The following CFAP20DC variants were observed in gnomAD, a reference collection of about 807,000 sequenced individuals.
CFAP20DC encodes CFAP20 domain containing.
Under a neutral mutation model 101.7 loss-of-function variants are expected in CFAP20DC, and 84 were observed. The ratio of observed to expected loss-of-function variants is 0.83; its 90% CI spans 0.69 to 0.99. CFAP20DC has a LOEUF of 0.99. Ranked by LOEUF, CFAP20DC falls within the 50% of genes least tolerant of loss-of-function variation. The pLI, the probability that CFAP20DC is intolerant of heterozygous loss-of-function variation, is 0.00. For synonymous variants in CFAP20DC, 359 were observed against 351.2 expected, an observed-to-expected ratio of 1.02 and a Z score of -0.25; for missense variants, 1,007 against 970.3, an observed-to-expected ratio of 1.04 and a Z score of -0.50.
chr3:58,751,467 G>A (rs1185956866), intron 16 of CFAP20DC, among the ~76,000 whole-genome samples: 1 of 152,142 alleles, frequency 6.6e-6, no homozygotes, highest in Non-Finnish European at 1.5e-5. Context: ...CTGGTCAACT[G>A]CGGCTCCCTG....
chr3:58,810,996 AG>A (rs1216300132), intron 14 of CFAP20DC, among the ~76,000 whole-genome samples: 4 of 152,172 alleles, frequency 2.6e-5, no homozygotes, highest in African/African-American at 9.7e-5. Context: ...CCAACTTACA[AG>A]GGATGTGAAG....
chr3:58,816,655 G>A lies in CFAP20DC; in HGVS notation c.2176-10199C>T, dbSNP rs919991200. Among the ~76,000 whole-genome samples the A allele has an allele frequency of 6.8e-4, 104 of 152,254 alleles. No individual in the cohort carries two copies. The Middle Eastern group carries it at 0.01, about 15-fold the overall frequency. The stretch of plus-strand genomic sequence containing the variant: ...GAGGGTCCTACGCCCACGGAATCTT[G>A]CTGATTGCTAGCACAGCAGTCTGAG... On this transcript the variant is annotated intron_variant, in intron 14 of 16. Transcript: ENST00000482387.
intron 12 of CFAP20DC, among the ~76,000 whole-genome samples, chr3:58,857,676 G>A (rs967368007): frequency 6.6e-6 from 1 of 152,158 alleles, no homozygotes; most frequent in Non-Finnish European, 1.5e-5. Flanking sequence ...TTCTGAAAGA[G>A]AAACTGGGAT....
chr3:58,928,480 C>T (rs2086225394), intron 5 of CFAP20DC, among the ~76,000 whole-genome samples: 1 of 152,152 alleles, frequency 6.6e-6, no homozygotes. Context: ...GGTGTGTATA[C>T]TTCAGGTAAC....
At chr3:59,037,539 A>G (rs1576801356) in intron 4 of CFAP20DC, among the ~76,000 whole-genome samples, 1 of 152,230 alleles carries the variant, frequency 6.6e-6, no homozygotes, top group Non-Finnish European at 1.5e-5. Context: ...AAAGCTCATC[A>G]TCACTGGTCT....
At chr3:58,865,735 CAG>C (rs1442315832) in intron 11 of CFAP20DC, among the ~76,000 whole-genome samples, 2 of 152,150 alleles carry the variant, frequency 1.3e-5, no homozygotes, top group African/African-American at 2.4e-5. Flanking sequence ...GTGAAGAAAA[CAG>C]AGGAAAATAT....
intron 15 of CFAP20DC, among the ~76,000 whole-genome samples, chr3:58,794,900 T>G (rs1443232192): frequency 6.6e-6 from 1 of 152,206 alleles, no homozygotes; most frequent in African/African-American, 2.4e-5. Flanking sequence ...AATCATTTTA[T>G]GCTGTAGGGG....
intron 16 of CFAP20DC, among the ~76,000 whole-genome samples, chr3:58,746,550 C>T (rs2068218799): frequency 6.6e-6 from 1 of 152,126 alleles, no homozygotes; most frequent in Non-Finnish European, 1.5e-5. Context: ...GCAAAGGGAT[C>T]GAGGTAGATC....
At chr3:58,842,899 G>T (rs1052062076) in intron 13 of CFAP20DC, among the ~76,000 whole-genome samples, 1 of 152,156 alleles carries the variant, frequency 6.6e-6, no homozygotes, top group Non-Finnish European at 1.5e-5. Context: ...CCCAGCAGGG[G>T]CACACTGACA....
chr3:59,010,342 CT>C (rs1401057805), intron 4 of CFAP20DC, among the ~76,000 whole-genome samples: 7 of 152,106 alleles, frequency 4.6e-5, no homozygotes, highest in African/African-American at 1.7e-4. Flanking sequence ...CTCACATAAA[CT>C]TTGGGTAAAG....
At chr3:58,856,963 C>T (rs1438816058) in intron 12 of CFAP20DC, among the ~76,000 whole-genome samples, 1 of 152,104 alleles carries the variant, frequency 6.6e-6, no homozygotes, top group Non-Finnish European at 1.5e-5. Flanking sequence ...AAAATGAAGA[C>T]TTGTTATTCT....
chr3:58,806,925 A>C (rs182118836), intron 14 of CFAP20DC, among the ~76,000 whole-genome samples: 2 of 152,294 alleles, frequency 1.3e-5, no homozygotes, highest in East Asian at 3.9e-4. Context: ...TATCCCGCAC[A>C]TGGCTTGAAG....
Position 59,006,560 on chromosome 3 carries a change from G to A in CFAP20DC, c.278+32997C>T, listed in dbSNP as rs1431803754. ...TGGGGAATCTGAAAATCCAGATCAC[G>A]GGAGAAGGACTTAACCTTACCTACA... is the stretch of plus-strand genomic sequence containing the variant. On this transcript the variant is annotated intron_variant, in intron 4 of 16. Transcript: ENST00000482387. This position sits in a 1 kb window ranked among gnomAD's most constrained non-coding sequence, Gnocchi z 4.3. Among the ~76,000 whole-genome samples the A allele has an allele frequency of 1.3e-5, 2 of 152,178 alleles. No individual in the cohort carries two copies. Among genetic ancestry groups the A allele is most frequent in the South Asian group, 2.1e-4 (1 of 4,826 alleles).
intron 16 of CFAP20DC, among the ~76,000 whole-genome samples, chr3:58,746,589 A>C (rs1215749426): frequency 6.6e-6 from 1 of 152,178 alleles, no homozygotes; most frequent in Non-Finnish European, 1.5e-5. Context: ...TTTGCTACAT[A>C]ATGCATACAA....
chr3:58,901,522 T>G (rs1031866634), intron 6 of CFAP20DC, among the ~76,000 whole-genome samples: 3 of 152,214 alleles, frequency 2.0e-5, no homozygotes, highest in African/African-American at 7.2e-5. Context: ...GTTTAAGTAA[T>G]GATTAATGTA....
At position 58,721,703 on chromosome 3, in the gene CFAP20DC, C is replaced by T. The variant is rs903189957; in HGVS notation, c.198-4075G>A. On this transcript the variant is annotated intron_variant, in intron 3 of 3. Coordinates refer to the CFAP20DC transcript ENST00000486145. This position sits in a 1 kb window ranked among gnomAD's most constrained non-coding sequence, Gnocchi z 5.2. Reference sequence around the variant, plus strand: ...GTATCCCACAGGACTTGGATGGCCACGATGCACAGCATCTAATTTGTGGAT... The same window carrying T: ...GTATCCCACAGGACTTGGATGGCCATGATGCACAGCATCTAATTTGTGGAT... Among the ~76,000 whole-genome samples the T allele has an allele frequency of 6.6e-6, 1 of 152,124 alleles. No individual in the cohort carries two copies. Among genetic ancestry groups the T allele is most frequent in the African/African-American group, 2.4e-5 (1 of 41,422 alleles).
intron 13 of CFAP20DC, among the ~76,000 whole-genome samples, chr3:58,835,638 G>A (rs773323542): frequency 1.7e-4 from 26 of 152,200 alleles, no homozygotes; most frequent in African/African-American, 6.3e-4. Flanking sequence ...CCCTGGAAGG[G>A]GCAGCCAAAA....
At chr3:58,962,577 GC>G (rs2091227507) in intron 4 of CFAP20DC, among the ~76,000 whole-genome samples, 1 of 152,106 alleles carries the variant, frequency 6.6e-6, no homozygotes, top group Admixed American at 6.6e-5. Flanking sequence ...TGCTGTGTTA[GC>G]ATTGCTTGGT....
At chr3:59,010,027 A>G (rs2093544284) in intron 4 of CFAP20DC, among the ~76,000 whole-genome samples, 1 of 152,192 alleles carries the variant, frequency 6.6e-6, no homozygotes, top group Admixed American at 6.6e-5. Flanking sequence ...CACCACTACC[A>G]ACCCAGTACT....
Sources: gnomAD v4.1 joint callset for allele counts (sites outside exome capture counted in the v4.1 genomes callset) on GRCh38, gnomAD v4.1.1 for gene constraint, Gnocchi (gnomAD v3.1) non-coding constraint, MANE v1.5 for transcripts, NCBI Gene and HGNC (gene_info 2026-07-23, HGNC 2026-07-21) for gene names.